Variants in CPD observed in about 807,000 individuals in gnomAD.
CPD encodes the protein carboxypeptidase D.
Under a neutral mutation model 138.3 loss-of-function variants are expected in CPD, and 69 were observed. The ratio of observed to expected loss-of-function variants is 0.50; its 90% confidence interval spans 0.41 to 0.61. The LOEUF (loss-of-function observed/expected upper bound fraction) is 0.61. Ranked by LOEUF, CPD falls within the 20% of genes least tolerant of loss-of-function variation. The pLI is 0.00. For synonymous variants in CPD, 651 were observed against 642.1 expected, an observed-to-expected ratio of 1.01 and a Z score of -0.21; for missense variants, 1,432 against 1,733.3, an observed-to-expected ratio of 0.83 and a Z score of 3.09.
intron 2 of CPD, among the ~76,000 whole-genome samples, chr17:30,399,563 CTTT>C: frequency 6.6e-6 from 1 of 152,282 alleles, no homozygotes; most frequent in South Asian, 2.1e-4. Context: ...TAATGTCCCT[CTTT>C]ATCTCTGGCA....
chr17:30,465,520 A>T lies in CPD; in HGVS notation c.*706A>T, dbSNP rs999458414. 2.0e-5 allele frequency: 3 copies of T among 152,618 alleles called. No homozygotes were observed. The highest frequency in any genetic ancestry group is 1.3e-4 in the Admixed American group (2 of 15,274). 9.5% of individuals were successfully genotyped at this position (152,618 alleles called of 1,614,324 possible). ...GAGAACTTACTAACTTTATTGTGAAAGGTCTAAATGCCCACTTGAATGAAG... is the reference window on the plus strand; with the variant it reads ...GAGAACTTACTAACTTTATTGTGAATGGTCTAAATGCCCACTTGAATGAAG... On this transcript the variant is annotated 3_prime_UTR_variant, in exon 21 of 21. Coordinates refer to ENST00000225719, the MANE Select transcript of CPD (RefSeq NM_001304.5).
intron 2 of CPD, 52 bp downstream of exon 2, chr17:30,385,288 G>A (rs758516196): frequency 5.6e-6 from 9 of 1,601,854 alleles, no homozygotes; most frequent in Admixed American, 1.7e-5. Flanking sequence ...GTTGAATTTT[G>A]TTATGTGTAT....
intron 8 of CPD, among the ~76,000 whole-genome samples, chr17:30,433,229 T>C (rs1912607695): frequency 6.6e-6 from 1 of 152,210 alleles, no homozygotes; most frequent in Admixed American, 6.5e-5. Flanking sequence ...TGGACATATA[T>C]GTTTTTTTGA....
chr17:30,412,031 C>T (rs1034253614), intron 2 of CPD, among the ~76,000 whole-genome samples: 6 of 152,176 alleles, frequency 3.9e-5, no homozygotes, highest in Non-Finnish European at 5.9e-5. Flanking sequence ...TGGTGACCTA[C>T]AGATGGGGTT....
In CPD at chr17:30,425,886, A is replaced by G. The variant is rs1258360540; in HGVS notation, c.1850-1505A>G. Among the ~76,000 whole-genome samples, 5 of 152,154 alleles carry G rather than the reference A, an allele frequency of 3.3e-5. No individual in the cohort carries two copies. In the East Asian group the frequency reaches 7.7e-4, roughly 23 times the overall value. On this transcript the variant is annotated intron_variant, in intron 6 of 20. Transcript: ENST00000225719. ...AAGAGATACAGTTTTTAAACACGCA[A>G]TGTGAAAAAGATGTGTTTTAACTGT...
chr17:30,461,099 T>C, intron 17 of CPD, 81 bp from the exon 18 acceptor site: 1 of 1,106,048 alleles, frequency 9.0e-7, no homozygotes, highest in Non-Finnish European at 1.2e-6. Flanking sequence ...TTTCATTTAC[T>C]CCATTTGTTG....
At chr17:30,406,049 A>G (rs556450645) in intron 2 of CPD, among the ~76,000 whole-genome samples, 4 of 152,152 alleles carry the variant, frequency 2.6e-5, no homozygotes, top group Non-Finnish European at 5.9e-5. Flanking sequence ...TTTAAAAATT[A>G]TATTTGCTGA....
At chr17:30,389,548 A>G (rs1911290598) in intron 2 of CPD, among the ~76,000 whole-genome samples, 1 of 152,230 alleles carries the variant, frequency 6.6e-6, no homozygotes, top group African/African-American at 2.4e-5. Flanking sequence ...TAAATACTTA[A>G]CTTTGCCTTT....
At chr17:30,456,411 G>T in intron 16 of CPD, 51 bp from the exon 17 acceptor site, 1 of 1,607,008 alleles carries the variant, frequency 6.2e-7, no homozygotes, top group Non-Finnish European at 8.5e-7. Context: ...GTGGGGAAAG[G>T]AGTTTCACCT....
At chr17:30,417,095 A>G (rs373654039) in intron 2 of CPD, among the ~76,000 whole-genome samples, 44 of 150,624 alleles carry the variant, frequency 2.9e-4, no homozygotes, top group African/African-American at 8.6e-4. Flanking sequence ...AGTGAGACTC[A>G]GTCTCCAAAA....
chr17:30,384,939 G>T (rs372795116), intron 1 of CPD, 50 bp from the exon 2 acceptor site: 45 of 1,576,896 alleles, frequency 2.9e-5, no homozygotes, highest in Admixed American at 1.1e-4. Flanking sequence ...TTAATGCATG[G>T]TGTTTTGTGT....
At chr17:30,463,247 C>G (rs1228227604) in intron 20 of CPD, among the ~76,000 whole-genome samples, 1 of 152,236 alleles carries the variant, frequency 6.6e-6, no homozygotes, top group African/African-American at 2.4e-5. Flanking sequence ...GTCACTATCT[C>G]TATCCTGCTT....
intron 2 of CPD, among the ~76,000 whole-genome samples, chr17:30,406,839 A>G (rs147633317): frequency 0.013 from 1,933 of 152,194 alleles, 45 homozygotes; most frequent in African/African-American, 0.045. Context: ...TTATACTTTA[A>G]GTTCTAGGGT....
In CPD at chr17:30,385,202, A is replaced by G; in HGVS notation, c.960A>G (p.Gly320=). 6.2e-7 allele frequency: 1 copy of G among 1,614,094 alleles called. No individual in the cohort carries two copies. The highest frequency in any genetic ancestry group is 8.5e-7 in the Non-Finnish European group (1 of 1,179,950). ...PGDEDETFKD[G]ITNGAHWYDV... ...ATGAAGACGAGACTTTCAAAGATGG[A>G]ATCACAAACGGCGCACATTGGTATG... The change falls in exon 2 of 21, where the codon GGA becomes GGG. Residue 320 remains glycine (G), a synonymous_variant. Coordinates refer to ENST00000225719, the MANE Select transcript of CPD (RefSeq NM_001304.5).
chr17:30,444,035 T>G, intron 11 of CPD, 64 bp downstream of exon 11: 1 of 1,555,018 alleles, frequency 6.4e-7, no homozygotes, highest in Non-Finnish European at 8.8e-7. Context: ...TTCTGGAGGA[T>G]TATTACTAGA....
At chr17:30,442,077 C>T (rs1453201273) in intron 9 of CPD, among the ~76,000 whole-genome samples, 1 of 152,020 alleles carries the variant, frequency 6.6e-6, no homozygotes, top group Non-Finnish European at 1.5e-5. Context: ...TGATTATTGC[C>T]ACAATTTCAG....
chr17:30,453,833 C>T (rs932311770), intron 14 of CPD, among the ~76,000 whole-genome samples: 3 of 152,154 alleles, frequency 2.0e-5, no homozygotes, highest in Admixed American at 6.5e-5. Context: ...TTTTTGCACC[C>T]GCGGGCTCAA....
At chr17:30,425,235 C>T (rs1465752814) in intron 6 of CPD, among the ~76,000 whole-genome samples, 1 of 152,226 alleles carries the variant, frequency 6.6e-6, no homozygotes, top group South Asian at 2.1e-4. Context: ...GGTTAAACTT[C>T]CAGCTGTGCT....
intron 15 of CPD, 93 bp downstream of exon 15, chr17:30,455,563 A>T: frequency 7.2e-7 from 1 of 1,387,864 alleles, no homozygotes; most frequent in African/African-American, 1.5e-5. Flanking sequence ...ATAAATAGTG[A>T]GCATTTGAGC....
Sources: gnomAD v4.1 joint callset for allele counts (sites outside exome capture counted in the v4.1 genomes callset) on GRCh38, gnomAD v4.1.1 for gene constraint, MANE v1.5 for transcripts, NCBI Gene and HGNC (gene_info 2026-07-23, HGNC 2026-07-21) for gene names.